Variants in OR2L3 observed in about 807,000 individuals in gnomAD.
OR2L3 encodes olfactory receptor 2L3.
For missense variants in OR2L3, 369 were observed against 376.6 expected, an observed-to-expected ratio of 0.98 and a Z score of 0.17; for synonymous variants, 131 against 139.1, an observed-to-expected ratio of 0.94 and a Z score of 0.41.
Position 248,061,613 on chromosome 1 carries a change from A to G in OR2L3, c.932A>G (p.Lys311Arg), listed in dbSNP as rs1276288197. The change falls in exon 2 of 2, where the codon AAA (lysine) becomes AGA (arginine). Residue 311 changes from lysine to arginine, a missense_variant. By Grantham distance (26) the Lys-to-Arg change is conservative. Transcript: ENST00000359959. ...GTGAGTCAGAGAATCTGCTCTGGGA[A>G]AATGTAGAAACATTTTCTACCTAAG... is the stretch of plus-strand genomic sequence containing the variant. The part of the protein sequence containing the change: ...TRVSQRICSG[K>R]M The G allele has an allele frequency of 4.3e-6, 7 of 1,611,076 alleles. No individual in the cohort carries two copies. Among genetic ancestry groups the G allele is most frequent in the Middle Eastern group, 3.3e-4 (2 of 6,030 alleles).
intron 1 of OR2L3, among the ~76,000 whole-genome samples, chr1:248,058,183 G>A (rs1663502315): frequency 6.6e-6 from 1 of 152,144 alleles, no homozygotes; most frequent in African/African-American, 2.4e-5. Context: ...AGACCACAGG[G>A]TAAAATGTTA....
chr1:248,049,514 C>T (rs1292154236), intron 1 of OR2L3, among the ~76,000 whole-genome samples: 1 of 151,948 alleles, frequency 6.6e-6, no homozygotes, highest in Non-Finnish European at 1.5e-5. Context: ...ACATTGGGAG[C>T]AAGATAGAAA....
chr1:248,059,402 T>C (rs1457613060), intron 1 of OR2L3, among the ~76,000 whole-genome samples: 2 of 152,192 alleles, frequency 1.3e-5, no homozygotes, highest in African/African-American at 4.8e-5. Flanking sequence ...CAAAATTCAT[T>C]CTTTTGAAGG....
At chr1:248,059,275 A>G (rs1663540389) in intron 1 of OR2L3, among the ~76,000 whole-genome samples, 1 of 152,202 alleles carries the variant, frequency 6.6e-6, no homozygotes, top group African/African-American at 2.4e-5. Flanking sequence ...TTTTAGGCAT[A>G]CTGTGCAAAG....
At chr1:248,060,016 G>A (rs764965912) in intron 1 of OR2L3, among the ~76,000 whole-genome samples, 10 of 150,766 alleles carry the variant, frequency 6.6e-5, no homozygotes, top group Non-Finnish European at 1.2e-4. Context: ...TCCCACCTGG[G>A]TAACAGAGAG....
At chr1:248,052,123 T>C (rs1663280966) in intron 1 of OR2L3, among the ~76,000 whole-genome samples, 2 of 152,218 alleles carry the variant, frequency 1.3e-5, no homozygotes, top group Non-Finnish European at 2.9e-5. Flanking sequence ...GCCTTTATTA[T>C]TCGACATTTT....
intron 1 of OR2L3, among the ~76,000 whole-genome samples, chr1:248,059,521 CA>C (rs1663552601): frequency 3.3e-5 from 5 of 152,062 alleles, no homozygotes. Flanking sequence ...TGAAATTAGG[CA>C]AGGAGGCAAA....
chr1:248,052,593 T>C (rs889047246), intron 1 of OR2L3, among the ~76,000 whole-genome samples: 3 of 152,062 alleles, frequency 2.0e-5, no homozygotes, highest in Admixed American at 6.6e-5. Flanking sequence ...TAGCTGGGCG[T>C]GGTGGCGGGC....
In OR2L3 at chr1:248,056,905, C is replaced by T. The variant is rs532040379; in HGVS notation, c.-21-3756C>T. ...GCTCAGGCAATCTGCCCGCCTTGGCCTCCCAAAGTGCTGGGATTACAGTCG... is the reference window on the plus strand; with the variant it reads ...GCTCAGGCAATCTGCCCGCCTTGGCTTCCCAAAGTGCTGGGATTACAGTCG... On this transcript the variant is annotated intron_variant, in intron 1 of 1. Coordinates refer to ENST00000359959, the MANE Select transcript of OR2L3 (RefSeq NM_001004687.2). Among the ~76,000 whole-genome samples the T allele has an allele frequency of 1.8e-4, 27 of 151,790 alleles. 1 individual carries two copies. The highest frequency in any genetic ancestry group is 1.8e-3 in the Admixed American group (27 of 15,228).
rs765162810 is a variant in OR2L3, at chr1:248,061,299, C to T, written c.618C>T (p.Leu206=). Reference sequence around the variant, plus strand: ...TGTTTTTGAGCACCACCATCTTTCTCGTGTTTCCCTTCATTGCTATTTCAT... The same window carrying T: ...TGTTTTTGAGCACCACCATCTTTCTTGTGTTTCCCTTCATTGCTATTTCAT... ...GTVFLSTTIF[L]VFPFIAISCS... is the part of the protein sequence containing the mutation. Residue 206 remains leucine (L), a synonymous_variant, in exon 2 of 2, where the codon CTC becomes CTT. Transcript: ENST00000359959. 29 of 1,612,458 alleles carry T rather than the reference C, an allele frequency of 1.8e-5. No homozygotes were observed. The highest frequency in any genetic ancestry group is 1.2e-4 in the South Asian group (11 of 91,056).
chr1:248,056,809 G>A (rs116423787), intron 1 of OR2L3, among the ~76,000 whole-genome samples: 4 of 151,526 alleles, frequency 2.6e-5, no homozygotes, highest in African/African-American at 4.9e-5. Flanking sequence ...CACCATACTC[G>A]GCTAAATTTT....
At position 248,060,990 on chromosome 1, in the gene OR2L3, C is replaced by T. The variant is rs776201963; in HGVS notation, c.309C>T (p.Phe103=). The part of the protein sequence containing the change: ...FTGCGIQSFF[F]SALGGAEALL... ...GGTGTGGGATTCAGAGTTTCTTCTT[C>T]TCGGCATTAGGAGGTGCAGAAGCAC... The change falls in exon 2 of 2, where the codon TTC becomes TTT. Residue 103 remains phenylalanine, a synonymous_variant. Transcript: ENST00000359959. 33 of 1,613,900 alleles carry T rather than the reference C, an allele frequency of 2.0e-5. No homozygotes were observed. The highest frequency in any genetic ancestry group is 2.5e-5 in the Non-Finnish European group (30 of 1,179,982).
intron 1 of OR2L3, among the ~76,000 whole-genome samples, chr1:248,053,184 TA>T (rs1479953765): frequency 6.6e-6 from 1 of 152,206 alleles, no homozygotes; most frequent in African/African-American, 2.4e-5. Flanking sequence ...AGCTCCCACT[TA>T]TAAGCGAGAA....
chr1:248,062,757 A>G lies in OR2L3; in HGVS notation c.*1137A>G, dbSNP rs548423031. On this transcript the variant is annotated 3_prime_UTR_variant, in exon 2 of 2. Transcript: ENST00000359959. ...GAATTGGAATGTTCCCAACACAAAG[A>G]AATAACCATATTTGAGGTGATGGTT... 6.4e-4 allele frequency: 98 copies of G among 152,302 alleles called. 1 individual carries two copies. The Middle Eastern group carries it at 0.024, about 37-fold the overall frequency. The allele number at this position is 152,302 out of a possible 1,614,324, so 9.4% of individuals were successfully genotyped here.
chr1:248,058,678 A>G (rs1463548571), intron 1 of OR2L3, among the ~76,000 whole-genome samples: 1 of 124,792 alleles, frequency 8.0e-6, no homozygotes, highest in East Asian at 2.7e-4. Context: ...TTTCTCACTT[A>G]TTTTTGTGAA....
In OR2L3 at chr1:248,063,256, T is replaced by A. The variant is rs192280237; in HGVS notation, c.*1636T>A. 2 of 152,386 alleles carry A rather than the reference T, an allele frequency of 1.3e-5. No individual in the cohort carries two copies. Among genetic ancestry groups the A allele is most frequent in the East Asian group, 3.8e-4 (2 of 5,196 alleles). The allele number at this position is 152,386 out of a possible 1,614,324, so 9.4% of individuals were successfully genotyped here. A position where few individuals can be genotyped will look rare whatever the true frequency, so the allele number is the denominator to read the frequency against. On this transcript the variant is annotated 3_prime_UTR_variant, in exon 2 of 2. Coordinates refer to ENST00000359959, the MANE Select transcript of OR2L3 (RefSeq NM_001004687.2). The stretch of plus-strand genomic sequence containing the variant: ...CATTCATTTGTATTCCTCTTCATTT[T>A]CTTTCACCAGTGATTTGTACAAATA...
chr1:248,049,943 G>A (rs142754579), intron 1 of OR2L3, among the ~76,000 whole-genome samples: 172 of 152,204 alleles, frequency 1.1e-3, no homozygotes, highest in African/African-American at 3.9e-3. Flanking sequence ...TGTGTTTGTG[G>A]ATCTAGAGGA....
chr1:248,059,616 C>A (rs1663558370), intron 1 of OR2L3, among the ~76,000 whole-genome samples: 3 of 152,174 alleles, frequency 2.0e-5, no homozygotes, highest in Non-Finnish European at 4.4e-5. Flanking sequence ...ATAAGGATTC[C>A]TTCTGGATTT....
intron 1 of OR2L3, among the ~76,000 whole-genome samples, chr1:248,051,656 G>A (rs544653434): frequency 6.6e-6 from 1 of 151,916 alleles, no homozygotes; most frequent in African/African-American, 2.4e-5. Flanking sequence ...TTAGTGAAGG[G>A]TTCAACAGAA....
Sources: gnomAD v4.1 joint callset for allele counts (sites outside exome capture counted in the v4.1 genomes callset) on GRCh38, gnomAD v4.1.1 for gene constraint, MANE v1.5 for transcripts, NCBI Gene and HGNC (gene_info 2026-07-23, HGNC 2026-07-21) for gene names.